The following SIPA1L3 variants were observed in gnomAD, a reference collection of about 807,000 sequenced individuals.
The protein encoded by SIPA1L3 is signal induced proliferation associated 1 like 3, also known as signal-induced proliferation-associated 1-like protein 3.
In SIPA1L3, 59 loss-of-function variants were observed where a neutral mutation model predicts 150.1. The ratio of observed to expected loss-of-function variants is 0.39; its 90% CI spans 0.32 to 0.49. The LOEUF is 0.49. SIPA1L3 is among the 20% of genes least tolerant of loss of function. The probability of loss-of-function intolerance (pLI) is 0.86; values close to 1 mark genes in which losing one functional copy is unlikely to be tolerated. For missense variants in SIPA1L3, 2,211 were observed against 2,489.5 expected (o/e 0.89, Z 2.38); for synonymous variants, 1,070 against 1,077.6 (o/e 0.99, Z 0.14).
chr19:37,948,777 T>C (rs942429804), intron 1 of SIPA1L3, among the ~76,000 whole-genome samples: 1 of 151,726 alleles, frequency 6.6e-6, no homozygotes, highest in Non-Finnish European at 1.5e-5. Flanking sequence ...GTGCTAGAGA[T>C]TGAGGGAGGC....
chr19:37,946,770 G>C (rs971991958), intron 1 of SIPA1L3, among the ~76,000 whole-genome samples: 5 of 151,620 alleles, frequency 3.3e-5, no homozygotes, highest in African/African-American at 1.2e-4. Context: ...TGTTTTGCTT[G>C]TTTTATGTAT....
intron 1 of SIPA1L3, chr19:37,932,406 C>T (rs1046313055): frequency 3.3e-5 from 5 of 152,202 alleles, no homozygotes; most frequent in African/African-American, 4.8e-5. Flanking sequence ...TTTGGGAACG[C>T]GCCTGTTCAC....
intron 1 of SIPA1L3, among the ~76,000 whole-genome samples, chr19:37,979,198 C>A (rs906118966): frequency 6.6e-6 from 1 of 151,932 alleles, no homozygotes; most frequent in Non-Finnish European, 1.5e-5. Flanking sequence ...ATGGGTTTTA[C>A]GTTTTTAAAA....
intron 18 of SIPA1L3, among the ~76,000 whole-genome samples, chr19:38,196,620 A>G (rs1203078825): frequency 2.7e-5 from 4 of 148,042 alleles, no homozygotes; most frequent in Admixed American, 1.4e-4. Context: ...AGGGCAGAGC[A>G]TGGAGGTCAA....
intron 2 of SIPA1L3, among the ~76,000 whole-genome samples, chr19:38,075,333 G>A (rs1203790809): frequency 6.6e-6 from 1 of 152,166 alleles, no homozygotes; most frequent in Non-Finnish European, 1.5e-5. Flanking sequence ...GCACATGCCT[G>A]TAATCCCAGC....
chr19:38,153,051 C>G, intron 13 of SIPA1L3, 84 bp downstream of exon 13: 1 of 1,494,012 alleles, frequency 6.7e-7, no homozygotes, highest in Non-Finnish European at 9.0e-7. Context: ...GCAACACTCC[C>G]CCTCTTGTGA....
At chr19:38,068,640 A>T (rs855597) in intron 2 of SIPA1L3, among the ~76,000 whole-genome samples, 28,728 of 151,958 alleles carry the variant, frequency 0.19, 2,977 homozygotes, top group African/African-American at 0.26. Flanking sequence ...CAGGAGGATC[A>T]CTTGAGGCCA....
intron 2 of SIPA1L3, among the ~76,000 whole-genome samples, chr19:38,042,026 T>C (rs892490205): frequency 1.3e-5 from 2 of 152,402 alleles, no homozygotes; most frequent in African/African-American, 4.8e-5. Context: ...GATTGTTTCC[T>C]TTGCTGTGCA....
chr19:38,082,145 G>C lies in SIPA1L3; in HGVS notation c.580G>C (p.Gly194Arg). 9 of 1,606,012 alleles carry C rather than the reference G, an allele frequency of 5.6e-6. No individual in the cohort carries two copies. The highest frequency in any genetic ancestry group is 7.6e-6 in the Non-Finnish European group (9 of 1,179,410). Residue 194 changes from glycine to arginine, a missense_variant, in exon 3 of 22, where the codon GGG becomes CGG. Gly to Arg is a moderately radical substitution (Grantham distance 125). Transcript: ENST00000222345. ...GGAGCCGCGGGGGGCCCGGCACACGGGGGCGCTGCCCCTCTTCCGCGAGTA... is the reference window on the plus strand; with the variant it reads ...GGAGCCGCGGGGGGCCCGGCACACGCGGGCGCTGCCCCTCTTCCGCGAGTA... ...AGEPRGARHT[G>R]ALPLFREYGS...
At chr19:38,192,337 C>G (rs1342370745) in intron 17 of SIPA1L3, 27 bp downstream of exon 17, 1 of 1,555,434 alleles carries the variant, frequency 6.4e-7, no homozygotes, top group East Asian at 2.3e-5. Context: ...CCCCCGCTCC[C>G]GACCCCCAGC....
chr19:38,092,335 T>A (rs1006064212), intron 4 of SIPA1L3, among the ~76,000 whole-genome samples: 47 of 152,114 alleles, frequency 3.1e-4, no homozygotes, highest in Non-Finnish European at 3.1e-4. Flanking sequence ...ACCTGCACGT[T>A]GTGCACATGT....
intron 1 of SIPA1L3, among the ~76,000 whole-genome samples, chr19:37,948,443 G>C (rs977773237): frequency 1.3e-5 from 2 of 151,752 alleles, no homozygotes; most frequent in African/African-American, 4.8e-5. Context: ...CTCCAGCCTG[G>C]GCAGCAGAGT....
chr19:38,205,966 C>T (rs541743378), intron 21 of SIPA1L3, 131 bp from the exon 22 acceptor site: 15 of 1,079,004 alleles, frequency 1.4e-5, no homozygotes, highest in Middle Eastern at 6.3e-4. Context: ...ATGTGTGCCC[C>T]GGCCTGGCCT....
At chr19:37,999,034 A>G (rs956261789) in intron 1 of SIPA1L3, among the ~76,000 whole-genome samples, 2 of 151,666 alleles carry the variant, frequency 1.3e-5, no homozygotes, top group Non-Finnish European at 1.5e-5. Context: ...CAAAGACTAA[A>G]AATTGTGTGA....
At chr19:38,044,527 G>T (rs1042624534) in intron 2 of SIPA1L3, among the ~76,000 whole-genome samples, 1 of 152,136 alleles carries the variant, frequency 6.6e-6, no homozygotes, top group Non-Finnish European at 1.5e-5. Flanking sequence ...CGAGGTGATT[G>T]CTAGATGGGA....
Position 38,206,101 on chromosome 19 carries a change from A to T in SIPA1L3, c.5207A>T (p.Lys1736Met), listed in dbSNP as rs530867535. 6 of 1,545,580 alleles carry T rather than the reference A, an allele frequency of 3.9e-6. 1 individual carries two copies. In the South Asian group the frequency reaches 7.2e-5, roughly 18 times the overall value. The change falls in exon 22 of 22, where the codon AAG (lysine) becomes ATG (methionine). Residue 1736 changes from lysine (K) to methionine (M), a missense_variant. Lys to Met is a moderately conservative substitution (Grantham distance 95). This residue lies in a region of SIPA1L3 where 63 missense variants were observed against 106.1 expected (regional missense o/e 0.59). Transcript: ENST00000222345. ...CCAGCTTCCCACCCTGTGCAGGAGA[A>T]GCAGGACAAGGTGGTGCTCCAGTCA... Reference protein sequence around the residue: ...KQLHTDLQKEKQDKVVLQSEV... With the variant: ...KQLHTDLQKEMQDKVVLQSEV...
intron 1 of SIPA1L3, among the ~76,000 whole-genome samples, chr19:37,936,166 T>A (rs1033371809): frequency 3.3e-5 from 5 of 152,170 alleles, no homozygotes; most frequent in African/African-American, 1.2e-4. Context: ...AGACGTCTGC[T>A]TGTGACTATT....
Position 38,182,619 on chromosome 19 carries a change from CTCTCCG to C in SIPA1L3, c.4310_4315del (p.Leu1437_Ala1439delinsPro), listed in dbSNP as rs748097803. On this transcript the variant is annotated inframe_deletion, in exon 16 of 22. Coordinates refer to ENST00000222345, the MANE Select transcript of SIPA1L3 (RefSeq NM_015073.3). ...GCTGGCCCAGCCCAGCCCCTTTCAGCTCTCCGCCTCCGTCCCCAAGTCCTTCTTCTC... is the reference window on the plus strand; with the variant it reads ...GCTGGCCCAGCCCAGCCCCTTTCAGCCCTCCGTCCCCAAGTCCTTCTTCTC... The C allele has an allele frequency of 9.9e-6, 16 of 1,614,092 alleles. No homozygotes were observed. Among genetic ancestry groups the C allele is most frequent in the Non-Finnish European group, 1.3e-5 (15 of 1,180,028 alleles).
intron 16 of SIPA1L3, among the ~76,000 whole-genome samples, chr19:38,191,856 T>C (rs1053445418): frequency 6.6e-6 from 1 of 152,154 alleles, no homozygotes; most frequent in East Asian, 1.9e-4. Context: ...GGTCTGTCTC[T>C]GTGCATGTGT....
Sources: allele counts gnomAD v4.1 joint callset (sites outside exome capture counted in the v4.1 genomes callset), GRCh38; gene constraint gnomAD v4.1.1; regional missense constraint gnomAD v4.1.1; transcripts MANE v1.5; gene names NCBI Gene and HGNC (gene_info 2026-07-23, HGNC 2026-07-21).